CTPS2: variants seen among roughly 807,000 people sequenced by gnomAD.
CTPS2 encodes the protein CTP synthase II.
Under a neutral mutation model 46.8 loss-of-function variants are expected in CTPS2, and 19 were observed. That is an observed-to-expected ratio of 0.41 (90% confidence interval 0.28 to 0.60). The LOEUF (loss-of-function observed/expected upper bound fraction) is 0.60, where lower values mean the gene tolerates loss of function less well. CTPS2 is among the 20% of genes least tolerant of loss of function. CTPS2 has a pLI of 0.35. For synonymous variants in CTPS2, 151 were observed against 165.2 expected (o/e 0.91, Z 0.66); for missense variants, 286 against 447.6 (o/e 0.64, Z 3.26).
rs73450303 is a variant in CTPS2 at position 16,648,528 on chromosome X, C to T, written c.1297-9285G>A. ...AGTTCTTGTTATGATTAAGCACAAA[C>T]GCCTACTTCCTCCCAGGAAAACAGA... On this transcript the variant is annotated intron_variant, in intron 13 of 18. Coordinates refer to ENST00000359276, the MANE Select transcript of CTPS2 (RefSeq NM_175859.3). Among the ~76,000 whole-genome samples, 108 of 112,237 alleles carry T rather than the reference C, an allele frequency of 9.6e-4. No individual in the cohort carries two copies. The South Asian group carries it at 0.011, about 12-fold the overall frequency.
intron 13 of CTPS2, among the ~76,000 whole-genome samples, chrX:16,645,127 C>T (rs913608278): frequency 9.1e-5 from 10 of 109,974 alleles, no homozygotes. Context: ...GGACTACAGG[C>T]GCCCGCCACC....
chrX:16,621,784 T>C (rs1405019210), intron 14 of CTPS2, among the ~76,000 whole-genome samples: 1 of 112,050 alleles, frequency 8.9e-6, no homozygotes, highest in Non-Finnish European at 1.9e-5. Flanking sequence ...CTTTGCATCT[T>C]GTTTGAGCTT....
At chrX:16,643,254 C>G (rs1932164676) in intron 13 of CTPS2, among the ~76,000 whole-genome samples, 1 of 112,344 alleles carries the variant, frequency 8.9e-6, no homozygotes, top group Non-Finnish European at 1.9e-5. Context: ...GTAAGCCCAG[C>G]TTTCCTTTTG....
intron 13 of CTPS2, among the ~76,000 whole-genome samples, chrX:16,639,928 C>T (rs908910400): frequency 6.3e-5 from 7 of 111,364 alleles, no homozygotes; most frequent in Admixed American, 4.8e-4. Flanking sequence ...CTTGATCGCT[C>T]CCTCTCCCTC....
chrX:16,597,869 T>C (rs1437548790), intron 17 of CTPS2, among the ~76,000 whole-genome samples: 4 of 108,714 alleles, frequency 3.7e-5, no homozygotes, highest in Non-Finnish European at 7.6e-5. Context: ...TTTTATTTCA[T>C]TGAGCAGTGG....
chrX:16,710,801 T>C (rs1925410568), intron 1 of CTPS2, among the ~76,000 whole-genome samples: 1 of 111,986 alleles, frequency 8.9e-6, no homozygotes, highest in Non-Finnish European at 1.9e-5. Flanking sequence ...GTATCTTTAG[T>C]AGAGACAGGG....
At chrX:16,662,985 A>G (rs1046162216) in intron 13 of CTPS2, among the ~76,000 whole-genome samples, 1 of 111,795 alleles carries the variant, frequency 8.9e-6, no homozygotes, top group South Asian at 3.7e-4. Context: ...AAGCAGCAAA[A>G]TAATGGACAC....
Position 16,589,758 on chromosome X carries a change from C to T in CTPS2, c.*59G>A, listed in dbSNP as rs1928791910. ...TCTTCAGATAGTTCCTTCATCTTGCCTTCAATTATTTCAGAGGCTTAAAAG... is the reference window on the plus strand; with the variant it reads ...TCTTCAGATAGTTCCTTCATCTTGCTTTCAATTATTTCAGAGGCTTAAAAG... On this transcript the variant is annotated 3_prime_UTR_variant, in exon 19 of 19. Coordinates refer to ENST00000359276, the MANE Select transcript of CTPS2 (RefSeq NM_175859.3). 8.9e-6 allele frequency: 1 copy of T among 112,082 alleles called. No individual in the cohort carries two copies. Among genetic ancestry groups the T allele is most frequent in the Non-Finnish European group, 1.9e-5 (1 of 53,249 alleles). 9.2% of individuals were successfully genotyped at this position (112,082 alleles called of 1,213,427 possible).
In CTPS2 at chrX:16,689,621, C is replaced by T; in HGVS notation, c.721-20G>A. 8.4e-7 allele frequency: 1 copy of T among 1,185,270 alleles called. No individual in the cohort carries two copies. The highest frequency in any genetic ancestry group is 1.1e-6 in the Non-Finnish European group (1 of 878,403). On this transcript the variant is annotated intron_variant, in intron 7 of 18. Coordinates refer to ENST00000359276, the MANE Select transcript of CTPS2 (RefSeq NM_175859.3). ...TATGACCTAAGTGGCGATGAGAAAT[C>T]ACCATACTTAGATGGATCTATTCAA... is the stretch of plus-strand genomic sequence containing the variant.
At chrX:16,664,444 A>G (rs928826638) in intron 13 of CTPS2, among the ~76,000 whole-genome samples, 7 of 110,345 alleles carry the variant, frequency 6.3e-5, no homozygotes, top group Non-Finnish European at 1.3e-4. Context: ...TACAAGCTAT[A>G]AAAAAAAAGA....
intron 13 of CTPS2, among the ~76,000 whole-genome samples, chrX:16,663,533 A>G (rs1468924937): frequency 9.0e-6 from 1 of 111,399 alleles, no homozygotes; most frequent in Non-Finnish European, 1.9e-5. Flanking sequence ...CAAATCTCTG[A>G]AATAACTAAA....
chrX:16,651,248 G>A (rs758527225), intron 13 of CTPS2: 13 of 747,902 alleles, frequency 1.7e-5, no homozygotes, highest in African/African-American at 1.7e-4. Flanking sequence ...GCTTGAGGGA[G>A]GACACATGCA....
At chrX:16,595,576 G>A (rs1033172500) in intron 17 of CTPS2, among the ~76,000 whole-genome samples, 3 of 111,254 alleles carry the variant, frequency 2.7e-5, no homozygotes, top group African/African-American at 6.5e-5. Context: ...AAGAAGAGGG[G>A]AAAATTTTTA....
chrX:16,644,789 G>A (rs986804873), intron 13 of CTPS2, among the ~76,000 whole-genome samples: 1 of 112,466 alleles, frequency 8.9e-6, no homozygotes, highest in Non-Finnish European at 1.9e-5. Flanking sequence ...AACAGCCATA[G>A]GAATCTAATA....
Position 16,604,277 on chromosome X carries a change from T to C in CTPS2, c.1691+5264A>G, listed in dbSNP as rs1348327882. 2.7e-5 allele frequency among the ~76,000 whole-genome samples: 3 copies of C among 112,372 alleles called. No individual in the cohort carries two copies. The East Asian group carries it at 8.3e-4, about 31-fold the overall frequency. ...GATTCTGGTTTTATACTTAAAAATA[T>C]GTTTCCCAAAAAGCTGCATTTCTGT... On this transcript the variant is annotated intron_variant, in intron 17 of 18. Coordinates refer to ENST00000359276, the MANE Select transcript of CTPS2 (RefSeq NM_175859.3).
intron 13 of CTPS2, among the ~76,000 whole-genome samples, chrX:16,656,664 T>C (rs753899919): frequency 1.2e-4 from 14 of 112,029 alleles, no homozygotes; most frequent in East Asian, 5.6e-4. Flanking sequence ...TCCGCTCGTC[T>C]CGGCCTCCCA....
chrX:16,619,641 T>C (rs1284361678), intron 15 of CTPS2, among the ~76,000 whole-genome samples: 2 of 111,031 alleles, frequency 1.8e-5, no homozygotes, highest in African/African-American at 6.6e-5. Flanking sequence ...ATGTTTAGGG[T>C]GATTTGAGTG....
At chrX:16,685,815 T>C (rs1374795875) in intron 8 of CTPS2, among the ~76,000 whole-genome samples, 77 of 94,440 alleles carry the variant, frequency 8.2e-4, no homozygotes, top group South Asian at 1.5e-3. Flanking sequence ...TGCAGTGAGC[T>C]GAGATCGCAC....
chrX:16,701,993 CT>C lies in CTPS2; in HGVS notation c.166+743del, dbSNP rs762268685. 4.0e-3 allele frequency among the ~76,000 whole-genome samples: 446 copies of C among 111,258 alleles called. 2 individuals are homozygous for C. The highest frequency in any genetic ancestry group is 0.014 in the African/African-American group (427 of 30,678). The stretch of plus-strand genomic sequence containing the variant: ...CAACTGTACACTTATGATTTATGCA[CT>C]TTTTTGCTTGTATATAAAAAGGTTT... On this transcript the variant is annotated intron_variant, in intron 2 of 18. Transcript: ENST00000359276.
Sources: gnomAD v4.1 joint callset for allele counts (sites outside exome capture counted in the v4.1 genomes callset) on GRCh38, gnomAD v4.1.1 for gene constraint, MANE v1.5 for transcripts, NCBI Gene and HGNC (gene_info 2026-07-23, HGNC 2026-07-21) for gene names.